DCT: variants seen among roughly 807,000 people sequenced by gnomAD.
DCT encodes dopachrome tautomerase.
DCT carries 47 observed loss-of-function variants against 53.0 expected under a neutral mutation model. The ratio of observed to expected loss-of-function variants is 0.89; its 90% CI spans 0.70 to 1.13. DCT has a LOEUF of 1.13. Among genes scored for constraint, DCT ranks in the 50% most tolerant of loss-of-function variants. The probability of loss-of-function intolerance (pLI) is 0.00; values close to 1 mark genes in which losing one functional copy is unlikely to be tolerated. For missense variants in DCT, 669 were observed against 637.4 expected, an observed-to-expected ratio of 1.05 and a Z score of -0.53; for synonymous variants, 244 against 237.0, an observed-to-expected ratio of 1.03 and a Z score of -0.27.
At chr13:94,465,842 A>T in intron 3 of DCT, 43 bp from the exon 4 acceptor site, 1 of 1,559,912 alleles carries the variant, frequency 6.4e-7, no homozygotes. Context: ...CCATGCCATC[A>T]GATACAACAA....
intron 5 of DCT, 125 bp from the exon 6 acceptor site, chr13:94,460,351 T>C (rs969318751): frequency 6.0e-6 from 5 of 833,808 alleles, no homozygotes; most frequent in South Asian, 1.8e-5. Context: ...AGCTCTGTCA[T>C]AGCAAATTGA....
the DCT span, among the ~76,000 whole-genome samples, chr13:94,499,743 T>C: frequency 6.6e-6 from 1 of 152,090 alleles, no homozygotes; most frequent in East Asian, 1.9e-4. Flanking sequence ...CCATGGAGAA[T>C]ATTAAACTGA....
intron 6 of DCT, among the ~76,000 whole-genome samples, chr13:94,446,864 T>C (rs1882768452): frequency 6.6e-6 from 1 of 152,170 alleles, no homozygotes; most frequent in South Asian, 2.1e-4. Context: ...ATTTTCCCTT[T>C]TTATAGGGAC....
chr13:94,473,068 T>C (rs916980520), intron 1 of DCT, among the ~76,000 whole-genome samples: 1 of 152,102 alleles, frequency 6.6e-6, no homozygotes, highest in African/African-American at 2.4e-5. Flanking sequence ...GTTGCTTGGA[T>C]GGGTGGTGAA....
At chr13:94,546,801 G>A in the DCT span, among the ~76,000 whole-genome samples, 3,310 of 152,206 alleles carry the variant, frequency 0.022, 56 homozygotes, top group South Asian at 0.051. This position sits in a 1 kb window ranked among gnomAD's most constrained non-coding sequence, Gnocchi z 4.2. Flanking sequence ...TGAAGCATGC[G>A]CACTAAGAGG....
At chr13:94,466,462 C>G in intron 3 of DCT, 96 bp downstream of exon 3, 1 of 675,572 alleles carries the variant, frequency 1.5e-6, no homozygotes, top group Non-Finnish European at 2.4e-6. Flanking sequence ...GTATGAGTAT[C>G]AAGATAAGTA....
At chr13:94,530,291 G>A in the DCT span, among the ~76,000 whole-genome samples, 3 of 152,170 alleles carry the variant, frequency 2.0e-5, no homozygotes, top group Non-Finnish European at 4.4e-5. Context: ...CATCTTATGA[G>A]GCTAGCGTCA....
chr13:94,532,570 G>A, the DCT span, among the ~76,000 whole-genome samples: 1 of 152,146 alleles, frequency 6.6e-6, no homozygotes, highest in African/African-American at 2.4e-5. Flanking sequence ...CTCACTCATA[G>A]GTGGGAGTTG....
At chr13:94,526,665 G>A in the DCT span, among the ~76,000 whole-genome samples, 3,986 of 152,178 alleles carry the variant, frequency 0.026, 100 homozygotes, top group African/African-American at 0.053. Flanking sequence ...CAAGATGGCC[G>A]AATAGGAACA....
the DCT span, among the ~76,000 whole-genome samples, chr13:94,527,432 G>A: frequency 1.3e-5 from 2 of 152,176 alleles, no homozygotes; most frequent in Non-Finnish European, 2.9e-5. Flanking sequence ...AGCTTCCAGA[G>A]GAAGGATCAG....
intron 6 of DCT, 49 bp from the exon 7 acceptor site, chr13:94,443,686 T>C (rs1245297766): frequency 2.1e-6 from 3 of 1,440,166 alleles, no homozygotes; most frequent in Non-Finnish European, 2.9e-6. Flanking sequence ...TCTGTTCCGA[T>C]CACACCAACC....
chr13:94,531,287 C>A, the DCT span, among the ~76,000 whole-genome samples: 1 of 152,170 alleles, frequency 6.6e-6, no homozygotes, highest in East Asian at 1.9e-4. Context: ...TTGGAAAAAA[C>A]TACTTTAAAG....
upstream of DCT, among the ~76,000 whole-genome samples, chr13:94,482,429 A>C (rs1300737036): frequency 6.6e-6 from 1 of 152,158 alleles, no homozygotes; most frequent in Non-Finnish European, 1.5e-5. Context: ...CAGAGCCCTC[A>C]GCTTCTCAGA....
chr13:94,471,074 G>T (rs1038290655), intron 1 of DCT, among the ~76,000 whole-genome samples: 4 of 152,186 alleles, frequency 2.6e-5, no homozygotes, highest in Non-Finnish European at 4.4e-5. Context: ...TAGCAAAATA[G>T]AGGTAAGTAA....
At chr13:94,475,450 G>A (rs1885005976) in intron 1 of DCT, among the ~76,000 whole-genome samples, 1 of 152,168 alleles carries the variant, frequency 6.6e-6, no homozygotes, top group South Asian at 2.1e-4. Context: ...AACTCTGCAT[G>A]ATTATTCTTA....
intron 4 of DCT, 131 bp from the exon 5 acceptor site, chr13:94,462,320 C>A: frequency 2.9e-6 from 2 of 679,922 alleles, no homozygotes; most frequent in Admixed American, 2.6e-5. Context: ...CCAGCTATGG[C>A]AAAGCCCCGG....
intron 6 of DCT, among the ~76,000 whole-genome samples, chr13:94,455,385 G>GAGAGAGAGAGAGAC (rs1555332124): frequency 1.3e-5 from 2 of 150,046 alleles, no homozygotes; most frequent in Admixed American, 1.3e-4. Flanking sequence ...GTCTCTTAGA[G>GAGAGAGAGAGAGAC]AGAGAGAGAG....
the DCT span, among the ~76,000 whole-genome samples, chr13:94,547,784 G>A: frequency 6.6e-6 from 1 of 151,454 alleles, no homozygotes; most frequent in African/African-American, 2.4e-5. Flanking sequence ...GAGGTCAGAA[G>A]TTCAAGACCA....
the DCT span, among the ~76,000 whole-genome samples, chr13:94,499,560 C>CA: frequency 1.3e-5 from 2 of 152,042 alleles, no homozygotes; most frequent in Non-Finnish European, 1.5e-5. Context: ...TGTTCAAAAG[C>CA]AAACCTGGCA....
Sources: allele counts gnomAD v4.1 joint callset (sites outside exome capture counted in the v4.1 genomes callset), GRCh38; gene constraint gnomAD v4.1.1; non-coding constraint Gnocchi (gnomAD v3.1); transcripts MANE v1.5; gene names NCBI Gene and HGNC (gene_info 2026-07-23, HGNC 2026-07-21).